Variants in SYNE2 observed in about 807,000 individuals in gnomAD.
SYNE2 encodes spectrin repeat containing nuclear envelope protein 2.
In SYNE2, 431 loss-of-function variants were observed where a neutral mutation model predicts 856.3. That is an observed-to-expected ratio of 0.50 (90% confidence interval 0.47 to 0.55). The LOEUF is 0.55. Ranked by LOEUF, SYNE2 falls within the 20% of genes least tolerant of loss-of-function variation. SYNE2 has a pLI of 0.00. For missense variants in SYNE2, 8,129 were observed against 8,023.2 expected (o/e 1.01, Z -0.50); for synonymous variants, 2,923 against 2,872.3 (o/e 1.02, Z -0.56).
chr14:64,122,181 G>A (rs373006570), intron 69 of SYNE2, 48 bp downstream of exon 69: 5 of 1,613,940 alleles, frequency 3.1e-6, no homozygotes, highest in Non-Finnish European at 4.2e-6. Flanking sequence ...TTTATGACTG[G>A]GAGAATTAAG....
chr14:64,215,499 C>T, intron 107 of SYNE2, 145 bp downstream of exon 107: 2 of 835,018 alleles, frequency 2.4e-6, no homozygotes, highest in Non-Finnish European at 2.1e-6. Flanking sequence ...ATTTACACTG[C>T]CGTACTCACC....
intron 1 of SYNE2, among the ~76,000 whole-genome samples, chr14:63,899,448 T>C (rs986224756): frequency 1.3e-5 from 2 of 152,150 alleles, no homozygotes; most frequent in Admixed American, 1.3e-4. Context: ...GTGATCCACC[T>C]GCCTTGGCCT....
chr14:63,788,144 C>T (rs1390314448), intron 1 of SYNE2, among the ~76,000 whole-genome samples: 1 of 152,218 alleles, frequency 6.6e-6, no homozygotes, highest in East Asian at 1.9e-4. Context: ...CCCTGCTCAT[C>T]CCCAATCCCT....
chr14:64,220,594 A>G lies in SYNE2; in HGVS notation c.20018A>G (p.Asp6673Gly). 1.2e-6 allele frequency: 2 copies of G among 1,614,164 alleles called. No homozygotes were observed. Among genetic ancestry groups the G allele is most frequent in the Non-Finnish European group, 1.7e-6 (2 of 1,180,024 alleles). ...TGGGAAGCAGCACAGGGCGCAGTGG[A>G]CAGCTGGAGAGGGGGCTTACGACAG... ...LLWEAAQGAV[D>G]SWRGGLRQSL... The change falls in exon 111 of 116, where the codon GAC becomes GGC. Residue 6673 changes from aspartate to glycine, a missense_variant. Physicochemically the swap from Asp to Gly is moderately conservative, Grantham distance 94 (BLOSUM62 -1). Around this residue, in one of 3 missense-constraint regions of SYNE2, gnomAD observed 5,410 missense variants for 5,284.8 expected, o/e 1.02. Transcript: ENST00000555002.
In SYNE2 at chr14:63,976,699, T is replaced by A. The variant is rs763269318; in HGVS notation, c.1265T>A (p.Leu422Gln). 6.2e-7 allele frequency: 1 copy of A among 1,613,704 alleles called. No homozygotes were observed. Among genetic ancestry groups the A allele is most frequent in the Non-Finnish European group, 8.5e-7 (1 of 1,179,916 alleles). ...ASQDHSQAVT[L>Q]IQEKMTLFKS... ...CAGGATCACTCTCAAGCCGTGACTC[T>A]GATACAAGAGAAAATGACTTTATTC... is the stretch of plus-strand genomic sequence containing the variant. The change falls in exon 12 of 116, where the codon CTG becomes CAG. Residue 422 changes from leucine to glutamine, a missense_variant. Transcript: ENST00000555002.
chr14:63,800,649 A>T (rs1474052154), intron 1 of SYNE2, among the ~76,000 whole-genome samples: 2 of 152,224 alleles, frequency 1.3e-5, no homozygotes, highest in African/African-American at 4.8e-5. Flanking sequence ...GAAAAAGATC[A>T]TGTATTTTGT....
intron 38 of SYNE2, chr14:64,023,459 C>A (rs914216191): frequency 1.3e-5 from 2 of 152,540 alleles, no homozygotes; most frequent in Admixed American, 1.3e-4. Context: ...GTGTTGAAAT[C>A]ATATTTGATA....
chr14:63,844,662 CTT>C (rs1003599219), intron 1 of SYNE2, among the ~76,000 whole-genome samples: 8 of 151,948 alleles, frequency 5.3e-5, no homozygotes, highest in African/African-American at 1.9e-4. Context: ...TTTGTACAGT[CTT>C]TGTCAGATTG....
Position 64,119,469 on chromosome 14 carries a change from G to C in SYNE2, c.12883G>C (p.Glu4295Gln), listed in dbSNP as rs1364125658. Reference protein sequence around the residue: ...EIEHKVAFLLETCKDQGLGDN... With the variant: ...EIEHKVAFLLQTCKDQGLGDN... ...TGAGCACAAGGTTGCCTTTCTGTTA[G>C]AGACTTGCAAAGATCAGGGCCTGGG... Residue 4295 changes from glutamate (E) to glutamine (Q), a missense_variant, in exon 67 of 116, where the codon GAG (glutamate) becomes CAG (glutamine). Coordinates refer to ENST00000555002, the MANE Select transcript of SYNE2 (RefSeq NM_182914.3). 4 of 1,614,120 alleles carry C rather than the reference G, an allele frequency of 2.5e-6. No individual in the cohort carries two copies. Among genetic ancestry groups the C allele is most frequent in the Non-Finnish European group, 3.4e-6 (4 of 1,180,040 alleles).
rs758532912 is a variant in SYNE2 at position 64,098,138 on chromosome 14, G to C, written c.12298G>C (p.Glu4100Gln). 6.2e-7 allele frequency: 1 copy of C among 1,614,018 alleles called. No homozygotes were observed. ...TGGAGTGGCAGAGAGGGATGCTTCT[G>C]AGCGGAAGGTGGGTATGACTTTAGG... ...EGGVAERDAS[E>Q]RKLNRRGSMS... Residue 4100 changes from glutamate to glutamine, a missense_variant, in exon 62 of 116, where the codon GAG (glutamate) becomes CAG (glutamine). This residue lies in a region of SYNE2 where 5,410 missense variants were observed against 5,284.8 expected (regional missense o/e 1.02). Transcript: ENST00000555002.
intron 2 of SYNE2, among the ~76,000 whole-genome samples, chr14:63,932,012 A>G (rs1326129575): frequency 1.3e-5 from 2 of 152,228 alleles, no homozygotes; most frequent in East Asian, 3.8e-4. Context: ...AATAGTAATA[A>G]GCGGAAAAGA....
chr14:63,869,134 C>G (rs371457403), intron 1 of SYNE2, among the ~76,000 whole-genome samples: 5 of 152,290 alleles, frequency 3.3e-5, no homozygotes, highest in Admixed American at 6.5e-5. Flanking sequence ...AAGAGCTATT[C>G]CCTCCTCATA....
chr14:63,948,780 GTGTATATATATATATATA>G (rs1463997574), intron 6 of SYNE2, among the ~76,000 whole-genome samples: 8 of 81,992 alleles, frequency 9.8e-5, no homozygotes, highest in South Asian at 3.7e-4. Flanking sequence ...GTATGTGTGT[GTGTATATATATATATATA>G]TATATATATA....
At chr14:64,206,415 C>G (rs1416647445) in intron 100 of SYNE2, among the ~76,000 whole-genome samples, 1 of 151,958 alleles carries the variant, frequency 6.6e-6, no homozygotes. Context: ...TTGTCTAGCA[C>G]TTAAATGGTC....
chr14:63,872,531 G>T (rs1171765966), intron 1 of SYNE2, among the ~76,000 whole-genome samples: 1 of 151,822 alleles, frequency 6.6e-6, no homozygotes, highest in Non-Finnish European at 1.5e-5. Flanking sequence ...CGAGGCGAGT[G>T]GATCACCTGA....
chr14:63,821,038 G>A lies in SYNE2; in HGVS notation c.-304-31463G>A, dbSNP rs180703682. ...ATTACAGGTGTGAGCCACTGCACCC[G>A]GCCAGGAGAACTTTTGAGGTAAATA... On this transcript the variant is annotated intron_variant, in intron 1 of 23. Transcript: ENST00000674003. Among the ~76,000 whole-genome samples the A allele has an allele frequency of 1.1e-3, 163 of 152,028 alleles. 1 individual carries two copies. In the East Asian group the frequency reaches 0.02, roughly 19 times the overall value.
rs150053881 is a variant in SYNE2 at position 63,964,018 on chromosome 14, C to T, written c.990+18C>T. The T allele has an allele frequency of 1.1e-4, 164 of 1,432,532 alleles. No individual in the cohort carries two copies. The East Asian group carries it at 3.5e-3, about 30-fold the overall frequency. 88.7% of individuals were successfully genotyped at this position (1,432,532 alleles called of 1,614,324 possible). ...AGTATAATGTAAGTATGATTTTAAA[C>T]AGCTGTTTGTAATTTACCTTTTAAG... On this transcript the variant is annotated intron_variant, in intron 10 of 115. Transcript: ENST00000555002.
chr14:64,224,885 G>T, intron 114 of SYNE2, 114 bp from the exon 115 acceptor site: 1 of 981,540 alleles, frequency 1.0e-6, no homozygotes, highest in East Asian at 2.6e-5. Context: ...CCAAAGTTTG[G>T]CTGTAACACA....
At chr14:63,830,202 T>G (rs1474007772) in intron 1 of SYNE2, among the ~76,000 whole-genome samples, 2 of 151,248 alleles carry the variant, frequency 1.3e-5, no homozygotes, top group African/African-American at 4.9e-5. Context: ...GAAAGTAGAT[T>G]AGTAGTGGCC....
Sources: gnomAD v4.1 joint callset for allele counts (sites outside exome capture counted in the v4.1 genomes callset) on GRCh38, gnomAD v4.1.1 for gene constraint, gnomAD v4.1.1 regional missense constraint, MANE v1.5 for transcripts, NCBI Gene and HGNC (gene_info 2026-07-23, HGNC 2026-07-21) for gene names.